The following MCC variants were observed in gnomAD, a reference collection of about 807,000 sequenced individuals.
MCC encodes colorectal mutant cancer protein.
In MCC, 90 loss-of-function variants were observed where a neutral mutation model predicts 116.2. That is an observed-to-expected ratio of 0.77 (90% CI 0.65 to 0.92). The LOEUF (loss-of-function observed/expected upper bound fraction) is 0.92. Among genes scored for constraint, MCC ranks in the 40% least tolerant of loss-of-function variants. The pLI is 0.00. For synonymous variants in MCC, 578 were observed against 510.5 expected, an observed-to-expected ratio of 1.13 and a Z score of -1.78; for missense variants, 1,516 against 1,312.2, an observed-to-expected ratio of 1.16 and a Z score of -2.40.
At chr5:113,139,495 A>G (rs1446549064) in intron 5 of MCC, among the ~76,000 whole-genome samples, 1 of 152,190 alleles carries the variant, frequency 6.6e-6, no homozygotes, top group African/African-American at 2.4e-5. Context: ...ATATGAACAT[A>G]TGAAAAAAAG....
At chr5:113,102,517 T>A (rs947240108) in intron 7 of MCC, among the ~76,000 whole-genome samples, 1 of 152,206 alleles carries the variant, frequency 6.6e-6, no homozygotes, top group Non-Finnish European at 1.5e-5. Flanking sequence ...ATAAACCTCA[T>A]TGACACAGAA....
intron 14 of MCC, among the ~76,000 whole-genome samples, chr5:113,058,243 T>A (rs546422858): frequency 6.6e-6 from 1 of 152,206 alleles, no homozygotes; most frequent in African/African-American, 2.4e-5. Flanking sequence ...TGGTAAAAGC[T>A]AGCATTCTCT....
intron 1 of MCC, among the ~76,000 whole-genome samples, chr5:113,430,940 G>A (rs941814024): frequency 2.6e-5 from 4 of 152,204 alleles, no homozygotes; most frequent in African/African-American, 7.2e-5. Context: ...ATGGAAAGGA[G>A]AGGGACCAAG....
intron 15 of MCC, among the ~76,000 whole-genome samples, chr5:113,049,857 C>G (rs1183427474): frequency 6.6e-6 from 1 of 152,188 alleles, no homozygotes; most frequent in Non-Finnish European, 1.5e-5. Context: ...CTCTTGCCTA[C>G]TTCTCAGGGC....
chr5:113,420,990 T>C (rs936708285), intron 1 of MCC, among the ~76,000 whole-genome samples: 6 of 152,070 alleles, frequency 3.9e-5, no homozygotes, highest in Non-Finnish European at 8.8e-5. Context: ...TTATAAAAGT[T>C]TACAATTAGT....
At chr5:113,358,637 T>C (rs1768470828) in intron 2 of MCC, among the ~76,000 whole-genome samples, 1 of 152,142 alleles carries the variant, frequency 6.6e-6, no homozygotes, top group Non-Finnish European at 1.5e-5. Flanking sequence ...AGGAAAATAA[T>C]CCTTTCAATA....
At chr5:113,278,115 A>G (rs897913381) in intron 3 of MCC, among the ~76,000 whole-genome samples, 2 of 152,110 alleles carry the variant, frequency 1.3e-5, no homozygotes, top group African/African-American at 4.8e-5. Flanking sequence ...CCATGACAAC[A>G]TGGTCTGAGA....
intron 1 of MCC, among the ~76,000 whole-genome samples, chr5:113,399,346 G>A (rs950516596): frequency 5.9e-5 from 9 of 152,052 alleles, no homozygotes; most frequent in African/African-American, 1.7e-4. Flanking sequence ...TTAGCCGGGC[G>A]TGGTGGCAGG....
chr5:113,099,540 A>G (rs1756265570), intron 8 of MCC, among the ~76,000 whole-genome samples: 1 of 152,186 alleles, frequency 6.6e-6, no homozygotes, highest in African/African-American at 2.4e-5. Context: ...CCACTTTACG[A>G]GTATTATCTA....
intron 2 of MCC, among the ~76,000 whole-genome samples, chr5:113,373,207 G>A (rs1181508040): frequency 1.3e-5 from 2 of 151,674 alleles, no homozygotes; most frequent in African/African-American, 4.8e-5. Flanking sequence ...ATAAATAAAA[G>A]ATGTTTCTAA....
At chr5:113,263,959 G>A (rs1431771385) in intron 3 of MCC, among the ~76,000 whole-genome samples, 1 of 151,908 alleles carries the variant, frequency 6.6e-6, no homozygotes, top group African/African-American at 2.4e-5. Context: ...CACGTGGTCA[G>A]ATTGGAAACC....
At chr5:113,068,298 A>G (rs1753768247) in intron 12 of MCC, 115 bp from the exon 13 acceptor site, 2 of 724,430 alleles carry the variant, frequency 2.8e-6, no homozygotes, top group South Asian at 3.2e-5. Context: ...CACTCTCCAC[A>G]CAGGCAAGGA....
At chr5:113,112,584 G>C (rs1240184824) in intron 6 of MCC, among the ~76,000 whole-genome samples, 3 of 152,242 alleles carry the variant, frequency 2.0e-5, no homozygotes, top group African/African-American at 7.2e-5. Flanking sequence ...CCCAATCTCA[G>C]GTAGTTCTTT....
chr5:113,111,757 T>C (rs146897375), intron 6 of MCC, among the ~76,000 whole-genome samples: 1 of 152,192 alleles, frequency 6.6e-6, no homozygotes, highest in African/African-American at 2.4e-5. Flanking sequence ...ATCAACGACG[T>C]TGAGGACTTA....
intron 17 of MCC, among the ~76,000 whole-genome samples, chr5:113,042,316 A>AG: frequency 6.7e-6 from 1 of 150,124 alleles, no homozygotes; most frequent in East Asian, 2.0e-4. Context: ...AAAAAAAAAA[A>AG]AAAAAAAAAT....
In MCC at chr5:113,027,464, A is replaced by G; in HGVS notation, c.2898T>C (p.Tyr966=). 3.7e-6 allele frequency: 6 copies of G among 1,614,098 alleles called. No individual in the cohort carries two copies. Among genetic ancestry groups the G allele is most frequent in the African/African-American group, 1.3e-5 (1 of 75,016 alleles). ...TTTGATGCTTTTTCTTTGCTTTCTCATAGGCAGCCACCAGGTTGCTAGGTG... is the reference window on the plus strand; with the variant it reads ...TTTGATGCTTTTTCTTTGCTTTCTCGTAGGCAGCCACCAGGTTGCTAGGTG... The part of the protein sequence containing the change: ...KRANSNLVAA[Y]EKAKKKHQNK... The change falls in exon 19 of 19, where the codon TAT becomes TAC. Residue 966 remains tyrosine, a synonymous_variant. Transcript: ENST00000408903.
chr5:113,153,721 T>G (rs1406974261), intron 3 of MCC, among the ~76,000 whole-genome samples: 5 of 152,222 alleles, frequency 3.3e-5, no homozygotes, highest in African/African-American at 4.8e-5. Context: ...TATGGGCCCC[T>G]CAATAAGAAA....
At position 113,026,051 on chromosome 5, in the gene MCC, T is replaced by C. The variant is rs886341501; in HGVS notation, c.*1251A>G. 2 of 152,028 alleles carry C rather than the reference T, an allele frequency of 1.3e-5. No homozygotes were observed. The highest frequency in any genetic ancestry group is 4.8e-5 in the African/African-American group (2 of 41,374). The allele number at this position is 152,028 out of a possible 1,614,324, so 9.4% of individuals were successfully genotyped here. A position where few individuals can be genotyped will look rare whatever the true frequency, so the allele number is the denominator to read the frequency against. Reference sequence around the variant, plus strand: ...AGAACTGAGAGAGAAGAGGTAAAACTGAAAAAGAATAATGAATTTGTTTTA... The same window carrying C: ...AGAACTGAGAGAGAAGAGGTAAAACCGAAAAAGAATAATGAATTTGTTTTA... On this transcript the variant is annotated 3_prime_UTR_variant, in exon 19 of 19. Coordinates refer to ENST00000408903, the MANE Select transcript of MCC (RefSeq NM_001085377.2).
intron 3 of MCC, among the ~76,000 whole-genome samples, chr5:113,173,098 C>T (rs1008814606): frequency 1.3e-5 from 2 of 152,210 alleles, no homozygotes; most frequent in African/African-American, 2.4e-5. Flanking sequence ...GTGAACTGTT[C>T]GTCTTTTAAT....
Sources: gnomAD v4.1 joint callset for allele counts (sites outside exome capture counted in the v4.1 genomes callset) on GRCh38, gnomAD v4.1.1 for gene constraint, MANE v1.5 for transcripts, NCBI Gene and HGNC (gene_info 2026-07-23, HGNC 2026-07-21) for gene names.